The following ERO1B variants were observed in gnomAD, a reference collection of about 807,000 sequenced individuals.
The protein encoded by ERO1B is endoplasmic reticulum oxidoreductase 1 beta, also known as ERO1-like protein beta.
In ERO1B, 49 loss-of-function variants were observed where a neutral mutation model predicts 75.3. The observed-to-expected ratio is 0.65, with a 90% CI of 0.52 to 0.83. ERO1B has a LOEUF of 0.83. Ranked by LOEUF, ERO1B falls within the 40% of genes least tolerant of loss-of-function variation. ERO1B has a pLI of 0.00. For synonymous variants in ERO1B, 191 were observed against 192.9 expected (o/e 0.99, Z 0.08); for missense variants, 512 against 560.1 (o/e 0.91, Z 0.87).
chr1:236,252,959 GTTTT>G (rs11378310), intron 3 of ERO1B, among the ~76,000 whole-genome samples: 1 of 150,994 alleles, frequency 6.6e-6, no homozygotes, highest in Non-Finnish European at 1.5e-5. Flanking sequence ...TTAAGTATAG[GTTTT>G]TTTTTAAATG....
At chr1:236,268,840 C>T (rs780721861) in intron 2 of ERO1B, among the ~76,000 whole-genome samples, 2 of 150,984 alleles carry the variant, frequency 1.3e-5, no homozygotes, top group Non-Finnish European at 3.0e-5. Flanking sequence ...GAGCCGAGAT[C>T]GCGCCACTGC....
chr1:236,239,937 C>A, intron 6 of ERO1B, among the ~76,000 whole-genome samples: 1 of 139,270 alleles, frequency 7.2e-6, no homozygotes. Context: ...ATGAGGCTGA[C>A]TCTGTTGAGC....
intron 4 of ERO1B, chr1:236,251,324 A>C (rs1187321794): frequency 6.2e-6 from 1 of 161,862 alleles, no homozygotes; most frequent in East Asian, 1.9e-4. Context: ...AAATCACAGG[A>C]TACTTCAGAA....
chr1:236,229,147 C>T (rs1175499331), intron 10 of ERO1B, among the ~76,000 whole-genome samples: 1 of 152,092 alleles, frequency 6.6e-6, no homozygotes, highest in Non-Finnish European at 1.5e-5. Context: ...AGAAATAGGC[C>T]AGGTATGGTG....
intron 9 of ERO1B, among the ~76,000 whole-genome samples, chr1:236,231,449 C>T (rs921057891): frequency 7.5e-6 from 1 of 133,130 alleles, no homozygotes; most frequent in East Asian, 2.4e-4. Flanking sequence ...CTAATTAGCT[C>T]AATATACCCA....
At chr1:236,268,070 T>C (rs1009962065) in intron 2 of ERO1B, 1 of 152,188 alleles carries the variant, frequency 6.6e-6, no homozygotes, top group Non-Finnish European at 1.5e-5. Flanking sequence ...TTGAAATAAA[T>C]TCATGAAATA....
Position 236,218,466 on chromosome 1 carries a change from G to T in ERO1B, c.*50C>A. Reference sequence around the variant, plus strand: ...TTCTGATGAATGTCCATAATTAAAAGGCTTTCCACAGTCACTTTATGTCTC... The same window carrying T: ...TTCTGATGAATGTCCATAATTAAAATGCTTTCCACAGTCACTTTATGTCTC... On this transcript the variant is annotated 3_prime_UTR_variant, in exon 16 of 16. Transcript: ENST00000354619. 7.3e-7 allele frequency: 1 copy of T among 1,376,576 alleles called. No individual in the cohort carries two copies. Among genetic ancestry groups the T allele is most frequent in the Non-Finnish European group, 9.5e-7 (1 of 1,055,038 alleles). The allele number at this position is 1,376,576 out of a possible 1,614,324, so 85.3% of individuals were successfully genotyped here.
Position 236,217,296 on chromosome 1 carries a change from G to T in ERO1B, c.*1220C>A, listed in dbSNP as rs1041006117. The T allele has an allele frequency of 9.2e-5, 14 of 151,414 alleles. No homozygotes were observed. The highest frequency in any genetic ancestry group is 3.2e-4 in the African/African-American group (13 of 41,196). The allele number at this position is 151,414 out of a possible 1,614,324, so 9.4% of individuals were successfully genotyped here. ...TCTGCTGACATTTAAAAAAAATCAA[G>T]ATTTTAAATATTGTCTAAAGATTTT... On this transcript the variant is annotated 3_prime_UTR_variant, in exon 16 of 16. Transcript: ENST00000354619.
At chr1:236,273,966 T>C (rs1028859434) in intron 1 of ERO1B, among the ~76,000 whole-genome samples, 1 of 149,916 alleles carries the variant, frequency 6.7e-6, no homozygotes, top group Non-Finnish European at 1.5e-5. Flanking sequence ...GGACTTACTG[T>C]TGAGCCATAT....
chr1:236,236,796 G>A (rs966169684), intron 6 of ERO1B, among the ~76,000 whole-genome samples: 8 of 151,992 alleles, frequency 5.3e-5, no homozygotes, highest in Non-Finnish European at 7.3e-5. Context: ...ACCTAACCAC[G>A]CACTTGGAAA....
chr1:236,235,464 T>C lies in ERO1B; in HGVS notation c.673+325A>G, dbSNP rs542935885. Among the ~76,000 whole-genome samples, 202 of 152,326 alleles carry C rather than the reference T, an allele frequency of 1.3e-3. 1 individual carries two copies. Among genetic ancestry groups the C allele is most frequent in the African/African-American group, 4.8e-3 (198 of 41,570 alleles). ...TCCAAGGATTCTGACTTAATTAATA[T>C]AGCGTAGGGCCTGAGCAACCAGATT... On this transcript the variant is annotated intron_variant, in intron 8 of 15. Transcript: ENST00000354619.
intron 6 of ERO1B, among the ~76,000 whole-genome samples, chr1:236,236,866 T>G (rs1664559649): frequency 6.6e-6 from 1 of 152,188 alleles, no homozygotes; most frequent in Admixed American, 6.5e-5. Context: ...CTGCTTGGAC[T>G]CATGAAGTAA....
intron 9 of ERO1B, among the ~76,000 whole-genome samples, chr1:236,230,773 CTA>C (rs991530718): frequency 1.3e-5 from 2 of 151,620 alleles, no homozygotes; most frequent in Non-Finnish European, 2.9e-5. Flanking sequence ...AATATTTTGA[CTA>C]TTAAATTTTT....
chr1:236,251,512 A>G, intron 4 of ERO1B: 7 of 962,128 alleles, frequency 7.3e-6, no homozygotes, highest in Non-Finnish European at 8.7e-6. Context: ...GAGGCACAAG[A>G]AGGAGACAGA....
At chr1:236,268,525 A>C (rs1400060119) in intron 2 of ERO1B, among the ~76,000 whole-genome samples, 2 of 152,220 alleles carry the variant, frequency 1.3e-5, no homozygotes, top group African/African-American at 4.8e-5. Flanking sequence ...TGATCAATCG[A>C]TAGATCACTT....
In ERO1B at chr1:236,229,820, C is replaced by T. The variant is rs141738174; in HGVS notation, c.712+404G>A. 6.4e-3 allele frequency among the ~76,000 whole-genome samples: 971 copies of T among 152,122 alleles called. 10 individuals carry two copies. Among genetic ancestry groups the T allele is most frequent in the African/African-American group, 0.022 (918 of 41,508 alleles). ...CTATATTAACGTGGCAAATATGTTTCGAATCTTTTGAATTCATATTTATCT... is the reference window on the plus strand; with the variant it reads ...CTATATTAACGTGGCAAATATGTTTTGAATCTTTTGAATTCATATTTATCT... On this transcript the variant is annotated intron_variant, in intron 10 of 15. Coordinates refer to ENST00000354619, the MANE Select transcript of ERO1B (RefSeq NM_019891.4).
At chr1:236,225,343 A>G (rs1004326938) in intron 12 of ERO1B, among the ~76,000 whole-genome samples, 6 of 152,262 alleles carry the variant, frequency 3.9e-5, no homozygotes, top group African/African-American at 1.4e-4. Context: ...GATGGCTGTT[A>G]AATTTAGTAA....
intron 1 of ERO1B, among the ~76,000 whole-genome samples, chr1:236,279,664 T>TG (rs1311974799): frequency 1.9e-4 from 15 of 79,468 alleles, no homozygotes; most frequent in East Asian, 2.2e-3. Context: ...CCCTGTCTAC[T>TG]GGGAAAAAAA....
At chr1:236,243,276 C>T in intron 6 of ERO1B, 146 bp downstream of exon 6, 1 of 514,074 alleles carries the variant, frequency 1.9e-6, no homozygotes, top group Non-Finnish European at 3.4e-6. Context: ...AACACAGGCT[C>T]TCAATAAATG....
Sources: allele counts gnomAD v4.1 joint callset (sites outside exome capture counted in the v4.1 genomes callset), GRCh38; gene constraint gnomAD v4.1.1; transcripts MANE v1.5; gene names NCBI Gene and HGNC (gene_info 2026-07-23, HGNC 2026-07-21).